CCDC74A: variants seen among roughly 807,000 people sequenced by gnomAD.
CCDC74A encodes the protein coiled-coil domain containing 74A.
A neutral mutation model predicts 37.6 loss-of-function variants in CCDC74A; 38 were observed. That is an observed-to-expected ratio of 1.01 (90% CI 0.78 to 1.33). CCDC74A has a LOEUF of 1.33. Among genes scored for constraint, CCDC74A ranks in the 40% most tolerant of loss-of-function variants. The probability of loss-of-function intolerance (pLI) is 0.00; values close to 1 mark genes in which losing one functional copy is unlikely to be tolerated. For missense variants in CCDC74A, 340 were observed against 403.4 expected, an observed-to-expected ratio of 0.84 and a Z score of 1.35; for synonymous variants, 134 against 165.2, an observed-to-expected ratio of 0.81 and a Z score of 1.45.
rs910581186 is a variant in CCDC74A at position 131,527,995 on chromosome 2, G to A, written c.25G>A (p.Gly9Arg). 35 of 1,460,152 alleles carry A rather than the reference G, an allele frequency of 2.4e-5. No individual in the cohort carries two copies. The highest frequency in any genetic ancestry group is 2.9e-5 in the Non-Finnish European group (32 of 1,107,064). 90.4% of individuals were successfully genotyped at this position (1,460,152 alleles called of 1,614,324 possible). The change falls in exon 1 of 8, where the codon GGG becomes AGG. Residue 9 changes from glycine to arginine, a missense_variant. By Grantham distance (125) the Gly-to-Arg change is moderately radical (BLOSUM62 -2). Coordinates refer to ENST00000409856, the MANE Select transcript of CCDC74A (RefSeq NM_001258306.3). MSGAGVAA[G>R]TRPPSSPTPG... ...TATGAGCGGTGCGGGGGTGGCGGCT[G>A]GGACGCGGCCCCCCAGCTCGCCGAC... is the stretch of plus-strand genomic sequence containing the variant.
upstream of CCDC74A, among the ~76,000 whole-genome samples, chr2:131,522,765 ATCT>A (rs1303241169): frequency 6.6e-6 from 1 of 152,184 alleles, no homozygotes; most frequent in Non-Finnish European, 1.5e-5. Context: ...GATTCTGATC[ATCT>A]TGTGCAAGCA....
upstream of CCDC74A, among the ~76,000 whole-genome samples, chr2:131,525,302 AG>A (rs1680259342): frequency 6.6e-6 from 1 of 152,020 alleles, no homozygotes; most frequent in African/African-American, 2.4e-5. Flanking sequence ...TCCAAGCTGG[AG>A]TGCAGTGGTG....
At chr2:131,529,538 G>A (rs757133118) in intron 1 of CCDC74A, 109 bp from the exon 2 acceptor site, 8 of 1,446,400 alleles carry the variant, frequency 5.5e-6, no homozygotes, top group Non-Finnish European at 7.8e-6. Flanking sequence ...TCAGCCAGTG[G>A]GGGGGCAGGA....
chr2:131,528,186 T>G lies in CCDC74A; in HGVS notation c.216T>G (p.His72Gln), dbSNP rs781486901. The G allele has an allele frequency of 2.2e-5, 35 of 1,613,416 alleles. No individual in the cohort carries two copies. Among genetic ancestry groups the G allele is most frequent in the Non-Finnish European group, 2.7e-5 (32 of 1,179,778 alleles). ...QQHSEMLAKL[H>Q]EEIEHLKREN... ...ACTCGGAGATGCTGGCCAAGCTCCA[T>G]GAGGAGATCGAGCATCTGAAGCGGG... The change falls in exon 1 of 8, where the codon CAT (histidine) becomes CAG (glutamine). Residue 72 changes from histidine (H) to glutamine (Q), a missense_variant. His to Gln is a conservative substitution (Grantham distance 24, BLOSUM62 0). Around this residue, in one of 3 missense-constraint regions of CCDC74A, gnomAD observed 154 missense variants for 153.9 expected, o/e 1.00. Transcript: ENST00000409856.
chr2:131,530,251 C>T (rs10187823), intron 2 of CCDC74A: 516,684 of 1,545,292 alleles, frequency 0.33, 95,129 homozygotes, highest in East Asian at 0.7. Context: ...GGATCCTGGG[C>T]TGTGGTCTCA....
chr2:131,528,656 A>G (rs941607390), intron 1 of CCDC74A: 3 of 538,798 alleles, frequency 5.6e-6, no homozygotes, highest in Non-Finnish European at 3.4e-6. Context: ...TAAAAATACA[A>G]AACAATTAGC....
upstream of CCDC74A, chr2:131,527,569 C>T (rs1680403516): frequency 1.0e-5 from 2 of 193,970 alleles, no homozygotes; most frequent in African/African-American, 4.7e-5. Context: ...GATCTCGACT[C>T]ACTGCAACCT....
chr2:131,526,659 A>G (rs1385958597), upstream of CCDC74A, among the ~76,000 whole-genome samples: 3 of 152,074 alleles, frequency 2.0e-5, no homozygotes, highest in Admixed American at 6.5e-5. Flanking sequence ...GTTTTTTATT[A>G]TGCCTTGCAA....
At position 131,533,081 on chromosome 2, in the gene CCDC74A, A is replaced by G. The variant is rs1178244376; in HGVS notation, c.809+12A>G. ...CTCTCCAAGAAATGGTAAGTCCCACAGGCATGGGGACAGTGGGGCAGCCCT... is the reference window on the plus strand; with the variant it reads ...CTCTCCAAGAAATGGTAAGTCCCACGGGCATGGGGACAGTGGGGCAGCCCT... On this transcript the variant is annotated intron_variant, in intron 7 of 7. Coordinates refer to ENST00000409856, the MANE Select transcript of CCDC74A (RefSeq NM_001258306.3). 3 of 1,613,596 alleles carry G rather than the reference A, an allele frequency of 1.9e-6. No individual in the cohort carries two copies. Among genetic ancestry groups the G allele is most frequent in the Non-Finnish European group, 2.5e-6 (3 of 1,179,818 alleles).
In CCDC74A at chr2:131,528,192, G is replaced by A; in HGVS notation, c.222G>A (p.Glu74=). Residue 74 remains glutamate, a synonymous_variant, in exon 1 of 8, where the codon GAG becomes GAA. Coordinates refer to ENST00000409856, the MANE Select transcript of CCDC74A (RefSeq NM_001258306.3). ...HSEMLAKLHE[E]IEHLKRENKD... is the part of the protein sequence containing the mutation. Reference sequence around the variant, plus strand: ...AGATGCTGGCCAAGCTCCATGAGGAGATCGAGCATCTGAAGCGGGAAAACA... The same window carrying A: ...AGATGCTGGCCAAGCTCCATGAGGAAATCGAGCATCTGAAGCGGGAAAACA... 1.9e-6 allele frequency: 3 copies of A among 1,613,620 alleles called. No homozygotes were observed. The highest frequency in any genetic ancestry group is 2.7e-5 in the African/African-American group (2 of 75,028).
At chr2:131,530,882 A>C (rs1681167737) in intron 3 of CCDC74A, 55 bp downstream of exon 3, 1 of 1,597,010 alleles carries the variant, frequency 6.3e-7, no homozygotes, top group African/African-American at 1.3e-5. Context: ...CGGGGACCCC[A>C]GCCTGGGTGG....
chr2:131,530,360 C>G, intron 2 of CCDC74A: 1 of 1,547,032 alleles, frequency 6.5e-7, no homozygotes, highest in Non-Finnish European at 8.7e-7. Flanking sequence ...GGGGCAGTGC[C>G]TAGGGCTCTC....
intron 1 of CCDC74A, chr2:131,528,663 T>G: frequency 1.3e-5 from 6 of 473,154 alleles, no homozygotes; most frequent in Admixed American, 2.9e-5. Context: ...ACAAAACAAT[T>G]AGCTAGGCGT....
chr2:131,528,369 A>T (rs1221499743), intron 1 of CCDC74A, 149 bp downstream of exon 1: 10 of 1,549,008 alleles, frequency 6.5e-6, no homozygotes, highest in Middle Eastern at 1.7e-4. Context: ...TGCCACGCTG[A>T]GCTGTCCCCT....
In CCDC74A at chr2:131,532,876, A is replaced by T; in HGVS notation, c.691A>T (p.Lys231Ter). The change falls in exon 6 of 8, where the codon AAG (lysine) becomes TAG (stop). Residue 231 changes from lysine to a stop codon, truncating the protein, a stop_gained. Transcript: ENST00000409856. LOFTEE classifies it high-confidence loss of function. The part of the protein sequence containing the change: ...LLQTQELRHL[K>*]SLLEGSQRPQ... ...CCCTGCCTTTCAGCTGCGGCACCTC[A>T]AGTCCCTCCTGGAAGGGAGCCAGAG... 1 of 1,613,362 alleles carries T rather than the reference A, an allele frequency of 6.2e-7. No individual in the cohort carries two copies. Among genetic ancestry groups the T allele is most frequent in the South Asian group, 1.1e-5 (1 of 91,072 alleles).
chr2:131,530,047 C>T, intron 2 of CCDC74A: 1 of 1,550,402 alleles, frequency 6.4e-7, no homozygotes, highest in East Asian at 2.4e-5. Flanking sequence ...TGTGGCCAGG[C>T]CCAGGATTTC....
intron 1 of CCDC74A, 27 bp from the exon 2 acceptor site, chr2:131,529,620 C>G (rs551652544): frequency 6.2e-7 from 1 of 1,613,844 alleles, no homozygotes; most frequent in Non-Finnish European, 8.5e-7. Flanking sequence ...TTCACAAGTG[C>G]TGAGGAGAGC....
intron 2 of CCDC74A, 63 bp downstream of exon 2, chr2:131,529,754 A>G: frequency 2.5e-6 from 4 of 1,595,664 alleles, no homozygotes; most frequent in Non-Finnish European, 3.4e-6. Context: ...GCCCCTCCAG[A>G]CTGTCCTTGC....
At chr2:131,532,487 T>C (rs1351153090) in intron 4 of CCDC74A, 102 bp from the exon 5 acceptor site, 19 of 1,364,328 alleles carry the variant, frequency 1.4e-5, no homozygotes, top group Non-Finnish European at 1.9e-5. Flanking sequence ...AACCAGGCCC[T>C]CTTCCCCACA....
Sources: gnomAD v4.1 joint callset for allele counts (sites outside exome capture counted in the v4.1 genomes callset) on GRCh38, gnomAD v4.1.1 for gene constraint, gnomAD v4.1.1 regional missense constraint, MANE v1.5 for transcripts, NCBI Gene and HGNC (gene_info 2026-07-23, HGNC 2026-07-21) for gene names.